The following SLIT1 variants were observed in gnomAD, a reference collection of about 807,000 sequenced individuals.
SLIT1 encodes slit homolog 1 protein.
A neutral mutation model predicts 186.1 loss-of-function variants in SLIT1; 66 were observed. That is an observed-to-expected ratio of 0.35 (90% confidence interval 0.29 to 0.44). SLIT1 has a LOEUF of 0.44. SLIT1 is among the 20% of genes least tolerant of loss of function. The pLI is 1.00. For missense variants in SLIT1, 1,638 were observed against 2,037.4 expected, an observed-to-expected ratio of 0.80 and a Z score of 3.77; for synonymous variants, 761 against 833.8, an observed-to-expected ratio of 0.91 and a Z score of 1.50.
At chr10:97,036,713 A>G (rs1394419173) in intron 22 of SLIT1, among the ~76,000 whole-genome samples, 1 of 152,188 alleles carries the variant, frequency 6.6e-6, no homozygotes, top group Non-Finnish European at 1.5e-5. Flanking sequence ...AAATCACACT[A>G]AGGTGGAATG....
chr10:97,043,143 C>T lies in SLIT1; in HGVS notation c.1998-76G>A. 3 of 1,500,094 alleles carry T rather than the reference C, an allele frequency of 2.0e-6. No individual in the cohort carries two copies. Among genetic ancestry groups the T allele is most frequent in the South Asian group, 1.2e-5 (1 of 80,224 alleles). 92.9% of individuals were successfully genotyped at this position (1,500,094 alleles called of 1,614,324 possible). On this transcript the variant is annotated intron_variant, in intron 19 of 36. Transcript: ENST00000266058. This position sits in a 1 kb window ranked among gnomAD's most constrained non-coding sequence, Gnocchi z 7.0. ...GTCCCAGCAAACCCCTCCTGTACCA[C>T]GGACACAGGGCCACATGGCCACATG...
intron 4 of SLIT1, among the ~76,000 whole-genome samples, chr10:97,112,276 C>T (rs563584101): frequency 6.6e-6 from 1 of 152,126 alleles, no homozygotes; most frequent in Admixed American, 6.5e-5. Flanking sequence ...CACCCCTCGG[C>T]ATCCACCACT....
chr10:97,095,599 G>A (rs998720985), intron 4 of SLIT1, among the ~76,000 whole-genome samples: 6 of 152,158 alleles, frequency 3.9e-5, no homozygotes, highest in Non-Finnish European at 5.9e-5. Flanking sequence ...CAGATATACC[G>A]ATTGGTCCCT....
intron 4 of SLIT1, among the ~76,000 whole-genome samples, chr10:97,125,864 A>C (rs1849599746): frequency 6.6e-6 from 1 of 152,066 alleles, no homozygotes; most frequent in Non-Finnish European, 1.5e-5. Flanking sequence ...AAACAAAAAA[A>C]ACAAGAGTCT....
At chr10:97,040,272 G>T in intron 20 of SLIT1, 152 bp from the exon 21 acceptor site, 1 of 736,500 alleles carries the variant, frequency 1.4e-6, no homozygotes, top group Admixed American at 3.6e-5. Flanking sequence ...ACACCTCCCC[G>T]CCAGCCACCA....
In SLIT1 at chr10:97,021,477, C is replaced by T; in HGVS notation, c.2583-64G>A. 6.6e-7 allele frequency: 1 copy of T among 1,520,176 alleles called. No individual in the cohort carries two copies. Among genetic ancestry groups the T allele is most frequent in the Non-Finnish European group, 9.0e-7 (1 of 1,117,026 alleles). 94.2% of individuals were successfully genotyped at this position (1,520,176 alleles called of 1,614,324 possible). A position where few individuals can be genotyped will look rare whatever the true frequency, so the allele number is the denominator to read the frequency against. On this transcript the variant is annotated intron_variant, in intron 25 of 36. Transcript: ENST00000266058. This position sits in a 1 kb window ranked among gnomAD's most constrained non-coding sequence, Gnocchi z 4.5. ...ATGGGGTCCCTCGCCCACTGGGAAC[C>T]TAGAGTCCCAGGCACTGCACCAGGG...
At chr10:97,009,099 G>A (rs1384143936) in intron 31 of SLIT1, among the ~76,000 whole-genome samples, 4 of 151,958 alleles carry the variant, frequency 2.6e-5, no homozygotes, top group Admixed American at 1.3e-4. Context: ...GGATGGTCTC[G>A]ATCTCCTGAC....
At chr10:97,046,527 C>T (rs1335855268) in intron 18 of SLIT1, 127 bp downstream of exon 18, 1 of 915,194 alleles carries the variant, frequency 1.1e-6, no homozygotes, top group Non-Finnish European at 1.6e-6. Context: ...TCAGGATCCT[C>T]AGTTCTCCCC....
At chr10:97,032,552 G>C (rs977438878) in intron 23 of SLIT1, among the ~76,000 whole-genome samples, 5 of 149,914 alleles carry the variant, frequency 3.3e-5, no homozygotes, top group African/African-American at 1.2e-4. Flanking sequence ...CTGGGCGACA[G>C]AGCGAGACTC....
intron 31 of SLIT1, among the ~76,000 whole-genome samples, chr10:97,007,569 C>A (rs1173429341): frequency 2.6e-5 from 4 of 151,890 alleles, no homozygotes; most frequent in Non-Finnish European, 5.9e-5. Context: ...TAATCAAGTA[C>A]AGCATAAAAA....
chr10:97,058,472 C>G (rs546198682), intron 11 of SLIT1, among the ~76,000 whole-genome samples: 27 of 152,328 alleles, frequency 1.8e-4, no homozygotes, highest in African/African-American at 6.3e-4. Context: ...TTTTGGCAGG[C>G]CACCTTCAGA....
chr10:97,004,350 G>T lies in SLIT1; in HGVS notation c.3711-128C>A. 1.1e-6 allele frequency: 1 copy of T among 897,970 alleles called. No homozygotes were observed. The highest frequency in any genetic ancestry group is 1.7e-6 in the Non-Finnish European group (1 of 581,598). The allele number at this position is 897,970 out of a possible 1,614,324, so 55.6% of individuals were successfully genotyped here. ...CCAAATATCTAAGGAAAAGGACTGTGGGGGCTCAAGGGTCTATCGCATGAT... is the reference window on the plus strand; with the variant it reads ...CCAAATATCTAAGGAAAAGGACTGTTGGGGCTCAAGGGTCTATCGCATGAT... On this transcript the variant is annotated intron_variant, in intron 33 of 36. Transcript: ENST00000266058. The surrounding 1 kb of genome is among the most constrained non-coding windows in gnomAD (Gnocchi z 5.1).
chr10:97,087,113 C>A (rs1359329319), intron 4 of SLIT1, among the ~76,000 whole-genome samples: 2 of 129,718 alleles, frequency 1.5e-5, no homozygotes, highest in Non-Finnish European at 3.5e-5. Context: ...AAAAAAAAAA[C>A]AGGTACCAAT....
intron 4 of SLIT1, among the ~76,000 whole-genome samples, chr10:97,071,948 C>T (rs1247128789): frequency 1.3e-5 from 2 of 152,132 alleles, no homozygotes; most frequent in Non-Finnish European, 2.9e-5. Flanking sequence ...AGGACTCACA[C>T]CAGGAACTAA....
At chr10:97,098,091 A>G (rs559914177) in intron 4 of SLIT1, among the ~76,000 whole-genome samples, 1 of 152,308 alleles carries the variant, frequency 6.6e-6, no homozygotes, top group East Asian at 1.9e-4. Flanking sequence ...GCCTTGAACC[A>G]TCATAGCTGG....
chr10:97,113,208 G>A (rs188541144), intron 4 of SLIT1, among the ~76,000 whole-genome samples: 1 of 152,124 alleles, frequency 6.6e-6, no homozygotes, highest in Admixed American at 6.5e-5. Flanking sequence ...TTTTCCATCT[G>A]AATCAGCTCT....
intron 8 of SLIT1, 116 bp downstream of exon 8, chr10:97,063,339 G>T: frequency 8.9e-7 from 1 of 1,120,082 alleles, no homozygotes. Flanking sequence ...CCAGGTGATG[G>T]GCGGGGTCAG....
chr10:97,001,213 G>A lies in SLIT1; in HGVS notation c.4504C>T (p.Arg1502Trp), dbSNP rs147599893. The A allele has an allele frequency of 8.6e-5, 139 of 1,613,088 alleles. No homozygotes were observed. The highest frequency in any genetic ancestry group is 1.1e-4 in the Non-Finnish European group (130 of 1,179,920). Residue 1502 changes from arginine (R) to tryptophan (W), a missense_variant, in exon 37 of 37, where the codon CGG becomes TGG. Arg to Trp is a moderately radical substitution (Grantham distance 101). Transcript: ENST00000266058. ...CPGQGCCQGL[R>W]LKRRKFTFEC... ...AAGGTGAACTTCCTCCGCTTCAGCC[G>A]AAGGCCCTGGCAGCAGCCCTGGCCT...
chr10:97,100,889 A>AG (rs1251064852), intron 4 of SLIT1, among the ~76,000 whole-genome samples: 2 of 152,148 alleles, frequency 1.3e-5, no homozygotes, highest in Non-Finnish European at 2.9e-5. Flanking sequence ...TTGCTCAGGG[A>AG]GGGGAGGAAA....
Sources: gnomAD v4.1 joint callset for allele counts (sites outside exome capture counted in the v4.1 genomes callset) on GRCh38, gnomAD v4.1.1 for gene constraint, Gnocchi (gnomAD v3.1) non-coding constraint, MANE v1.5 for transcripts, NCBI Gene and HGNC (gene_info 2026-07-23, HGNC 2026-07-21) for gene names.